The following SHPRH variants were observed in gnomAD, a reference collection of about 807,000 sequenced individuals.
SHPRH encodes E3 ubiquitin-protein ligase SHPRH.
SHPRH carries 106 observed loss-of-function variants against 202.5 expected under a neutral mutation model. That is an observed-to-expected ratio of 0.52 (90% CI 0.45 to 0.62). The LOEUF (loss-of-function observed/expected upper bound fraction) is 0.62. Among genes scored for constraint, SHPRH ranks in the 20% least tolerant of loss-of-function variants. The pLI, the probability that SHPRH is intolerant of heterozygous loss-of-function variation, is 0.00. For missense variants in SHPRH, 1,710 were observed against 2,020.0 expected (o/e 0.85, Z 2.94); for synonymous variants, 729 against 686.0 (o/e 1.06, Z -0.98).
intron 25 of SHPRH, chr6:145,906,059 TTTTGAGTGAAGGA>T (rs1782931808): frequency 1.3e-5 from 2 of 152,098 alleles, no homozygotes; most frequent in African/African-American, 4.8e-5. Context: ...TCAGCAGCCC[TTTTGAGTGAAGGA>T]TTTGACTGTT....
chr6:145,959,579 G>T (rs1788877745), intron 1 of SHPRH, among the ~76,000 whole-genome samples: 1 of 152,168 alleles, frequency 6.6e-6, no homozygotes, highest in South Asian at 2.1e-4. Context: ...ATCATTAAGT[G>T]ATGCATGACT....
Position 145,946,426 on chromosome 6 carries a change from T to C in SHPRH, c.1213-85A>G, listed in dbSNP as rs763280304. The stretch of plus-strand genomic sequence containing the variant: ...TATTGAAATTAACTTTCCTTCTTTA[T>C]GGAAATGCAAAACAGTTCTAAAAAA... On this transcript the variant is annotated intron_variant, in intron 6 of 29. Coordinates refer to ENST00000275233, the MANE Select transcript of SHPRH (RefSeq NM_001042683.3). 4.7e-5 allele frequency: 52 copies of C among 1,114,068 alleles called. No individual in the cohort carries two copies. The East Asian group carries it at 6.8e-4, about 15-fold the overall frequency. The allele number at this position is 1,114,068 out of a possible 1,614,324, so 69.0% of individuals were successfully genotyped here. A position where few individuals can be genotyped will look rare whatever the true frequency, so the allele number is the denominator to read the frequency against.
At position 145,950,308 on chromosome 6, in the gene SHPRH, T is replaced by C. The variant is rs200318831; in HGVS notation, c.938A>G (p.Asn313Ser). The change falls in exon 4 of 30, where the codon AAT becomes AGT. Residue 313 changes from asparagine to serine, a missense_variant. By Grantham distance (46) the Asn-to-Ser change is conservative. Coordinates refer to ENST00000275233, the MANE Select transcript of SHPRH (RefSeq NM_001042683.3). Reference protein sequence around the residue: ...VLRPYQREAVNWMLQQECFRS... With the variant: ...VLRPYQREAVSWMLQQECFRS... ...GAAACACTCTTGTTGTAGCATCCAA[T>C]TGACAGCCTCTCTTTGGTAGGGTCT... The C allele has an allele frequency of 2.4e-5, 38 of 1,613,180 alleles. No homozygotes were observed. Among genetic ancestry groups the C allele is most frequent in the Admixed American group, 6.7e-5 (4 of 59,920 alleles).
intron 10 of SHPRH, among the ~76,000 whole-genome samples, chr6:145,941,080 G>C (rs560311677): frequency 1.3e-5 from 2 of 152,258 alleles, no homozygotes; most frequent in East Asian, 1.9e-4. Context: ...CTGAATAACT[G>C]ATCCATGCCC....
In SHPRH at chr6:145,923,801, CA is replaced by C; in HGVS notation, c.3403-17del. 1 of 1,603,598 alleles carries C rather than the reference CA, an allele frequency of 6.2e-7. No homozygotes were observed. Among genetic ancestry groups the C allele is most frequent in the Non-Finnish European group, 8.5e-7 (1 of 1,174,434 alleles). On this transcript the variant is annotated splice_polypyrimidine_tract_variant and intron_variant, in intron 17 of 29. Coordinates refer to ENST00000275233, the MANE Select transcript of SHPRH (RefSeq NM_001042683.3). ...TAGAATGAATCTGTAAAAAAGGTAG[CA>C]GTTAATCAATTAATACATTTTTTTT...
chr6:145,882,340 GA>G (rs760226530), downstream of SHPRH, among the ~76,000 whole-genome samples: 8 of 152,128 alleles, frequency 5.3e-5, no homozygotes, highest in Non-Finnish European at 1.0e-4. Flanking sequence ...GAAAATCTGG[GA>G]AGGCAAATCT....
intron 2 of SHPRH, among the ~76,000 whole-genome samples, chr6:145,954,343 G>A (rs2128803777): frequency 6.6e-6 from 1 of 152,164 alleles, no homozygotes; most frequent in Non-Finnish European, 1.5e-5. Flanking sequence ...GTAATGGGTA[G>A]AATTTCATTT....
rs1475224832 is a variant in SHPRH at position 145,893,230 on chromosome 6, C to T, written c.4859G>A (p.Arg1620Gln). 12 of 1,549,876 alleles carry T rather than the reference C, an allele frequency of 7.7e-6. No individual in the cohort carries two copies. The highest frequency in any genetic ancestry group is 9.5e-6 in the Non-Finnish European group (11 of 1,154,230). Residue 1620 changes from arginine to glutamine, a missense_variant, in exon 28 of 30, where the codon CGA becomes CAA. This residue lies in a region of SHPRH where 306 missense variants were observed against 479.5 expected (regional missense o/e 0.64). Coordinates refer to ENST00000275233, the MANE Select transcript of SHPRH (RefSeq NM_001042683.3). Reference sequence around the variant, plus strand: ...TAGTCCTTACTTTGTCTGTCCAATTCGGTGCACCCTCCCTATGGCCTGAAG... The same window carrying T: ...TAGTCCTTACTTTGTCTGTCCAATTTGGTGCACCCTCCCTATGGCCTGAAG... ...HELQAIGRVH[R>Q]IGQTKPTIVH...
intron 24 of SHPRH, among the ~76,000 whole-genome samples, chr6:145,912,975 G>A (rs966453524): frequency 6.6e-6 from 1 of 151,876 alleles, no homozygotes; most frequent in Non-Finnish European, 1.5e-5. Flanking sequence ...ATCCACAAAG[G>A]AATATATTTA....
Position 145,886,287 on chromosome 6 carries a change from C to T in SHPRH, c.*404G>A, listed in dbSNP as rs1439101491. The T allele has an allele frequency of 3.8e-6, 2 of 522,598 alleles. No homozygotes were observed. The highest frequency in any genetic ancestry group is 1.9e-5 in the African/African-American group (1 of 52,516). The allele number at this position is 522,598 out of a possible 1,614,324, so 32.4% of individuals were successfully genotyped here. ...ATCATGTGCTAAAGATACTGAAGGC[C>T]CTTCCAAAACTGAGATCTATGTTTG... On this transcript the variant is annotated 3_prime_UTR_variant, in exon 30 of 30. Transcript: ENST00000275233.
At chr6:145,927,308 G>A (rs369912774) in intron 14 of SHPRH, 31 bp from the exon 15 acceptor site, 60 of 1,579,670 alleles carry the variant, frequency 3.8e-5, no homozygotes, top group Admixed American at 8.4e-5. Flanking sequence ...TAAAGCATAC[G>A]AGAGTCACAT....
intron 4 of SHPRH, among the ~76,000 whole-genome samples, chr6:145,949,596 G>A (rs1787764688): frequency 6.6e-6 from 1 of 151,992 alleles, no homozygotes; most frequent in African/African-American, 2.4e-5. Context: ...AGGGAAGTGA[G>A]GGATGAAAAA....
intron 11 of SHPRH, among the ~76,000 whole-genome samples, chr6:145,938,796 A>G (rs1239319564): frequency 6.6e-6 from 1 of 152,212 alleles, no homozygotes; most frequent in African/African-American, 2.4e-5. Context: ...ATATTCCCCA[A>G]AGCCAATGCT....
Position 145,918,228 on chromosome 6 carries a change from TCTAC to T in SHPRH, c.4153_4156del (p.Val1385AsnfsTer5). 6.4e-7 allele frequency: 1 copy of T among 1,562,432 alleles called. No individual in the cohort carries two copies. The highest frequency in any genetic ancestry group is 1.4e-5 in the African/African-American group (1 of 72,182). On this transcript the variant is annotated frameshift_variant and splice_region_variant, in exon 23 of 30. Coordinates refer to ENST00000275233, the MANE Select transcript of SHPRH (RefSeq NM_001042683.3). LOFTEE classifies it high-confidence loss of function. Reference sequence around the variant, plus strand: ...ATTTAGTAGTTTTATTCGGTTTTGTTCTACCTAAAGAAAATAAAAATAAAAACTT... The same window carrying T: ...ATTTAGTAGTTTTATTCGGTTTTGTTCTAAAGAAAATAAAAATAAAAACTT...
Position 145,934,915 on chromosome 6 carries a change from G to C in SHPRH, c.2982C>G (p.Leu994=). 6.3e-7 allele frequency: 1 copy of C among 1,577,522 alleles called. No individual in the cohort carries two copies. The highest frequency in any genetic ancestry group is 8.6e-7 in the Non-Finnish European group (1 of 1,159,626). The change falls in exon 13 of 30, where the codon CTC becomes CTG. Residue 994 remains leucine, a synonymous_variant. Transcript: ENST00000275233. ...AAAGTTGATAATAAAACCTTTTTTG[G>C]AGTGGCAAGAACTCTCCACGAACAG... is the stretch of plus-strand genomic sequence containing the variant. ...PQAVRGEFLP[L]QKSTMTMEEL...
Position 145,886,876 on chromosome 6 carries a change from T to G in SHPRH, c.4956-89A>C, listed in dbSNP as rs184084728. 16 of 1,357,244 alleles carry G rather than the reference T, an allele frequency of 1.2e-5. No homozygotes were observed. In the African/African-American group the frequency reaches 2.2e-4, roughly 19 times the overall value. The allele number at this position is 1,357,244 out of a possible 1,614,324, so 84.1% of individuals were successfully genotyped here. A position where few individuals can be genotyped will look rare whatever the true frequency, so the allele number is the denominator to read the frequency against. On this transcript the variant is annotated intron_variant, in intron 29 of 29. Coordinates refer to ENST00000275233, the MANE Select transcript of SHPRH (RefSeq NM_001042683.3). ...TAGTAATACGAACTAGACACATATT[T>G]TTTCTTAAGTTTTTGTAATTGGGAT...
chr6:145,947,475 C>T lies in SHPRH; in HGVS notation c.1212+18G>A. 1 of 1,604,498 alleles carries T rather than the reference C, an allele frequency of 6.2e-7. No individual in the cohort carries two copies. Among genetic ancestry groups the T allele is most frequent in the South Asian group, 1.1e-5 (1 of 89,322 alleles). ...ACATATGTCCCCTGCTTTTGCAAGC[C>T]CTACTATACCCTCCTACCTCGGGAA... On this transcript the variant is annotated intron_variant, in intron 6 of 29. Coordinates refer to ENST00000275233, the MANE Select transcript of SHPRH (RefSeq NM_001042683.3).
At chr6:145,904,033 T>C (rs1475797780) in intron 25 of SHPRH, 1 of 152,124 alleles carries the variant, frequency 6.6e-6, no homozygotes, top group Non-Finnish European at 1.5e-5. Context: ...GTATTCATTT[T>C]ATATCTATGG....
In SHPRH at chr6:145,943,503, T is replaced by G; in HGVS notation, c.1878A>C (p.Glu626Asp). 1 of 1,614,028 alleles carries G rather than the reference T, an allele frequency of 6.2e-7. No individual in the cohort carries two copies. Among genetic ancestry groups the G allele is most frequent in the Non-Finnish European group, 8.5e-7 (1 of 1,179,940 alleles). The change falls in exon 9 of 30, where the codon GAA (glutamate) becomes GAC (aspartate). Residue 626 changes from glutamate (E) to aspartate (D), a missense_variant. Coordinates refer to ENST00000275233, the MANE Select transcript of SHPRH (RefSeq NM_001042683.3). ...KSTCISEFNQ[E>D]HETEDCAESL... ...ATTCAGCACAGTCCTCTGTTTCATG[T>G]TCTTGGTTGAATTCAGAGATACATG...
Sources: gnomAD v4.1 joint callset for allele counts (sites outside exome capture counted in the v4.1 genomes callset) on GRCh38, gnomAD v4.1.1 for gene constraint, gnomAD v4.1.1 regional missense constraint, MANE v1.5 for transcripts, NCBI Gene and HGNC (gene_info 2026-07-23, HGNC 2026-07-21) for gene names.